Variants in ADAMTS20 observed in about 807,000 individuals in gnomAD.
The protein encoded by ADAMTS20 is A disintegrin and metalloproteinase with thrombospondin motifs 20.
In ADAMTS20, 225 loss-of-function variants were observed where a neutral mutation model predicts 260.1. The observed-to-expected ratio is 0.87, with a 90% CI of 0.78 to 0.97. The LOEUF (loss-of-function observed/expected upper bound fraction) is 0.97, where lower values mean the gene tolerates loss of function less well. ADAMTS20 is among the 50% of genes least tolerant of loss of function. The probability of loss-of-function intolerance (pLI) is 0.00; values close to 1 mark genes in which losing one functional copy is unlikely to be tolerated. For synonymous variants in ADAMTS20, 802 were observed against 769.5 expected, an observed-to-expected ratio of 1.04 and a Z score of -0.70; for missense variants, 2,400 against 2,337.7, an observed-to-expected ratio of 1.03 and a Z score of -0.55.
intron 9 of ADAMTS20, among the ~76,000 whole-genome samples, chr12:43,465,343 C>T (rs1256569902): frequency 6.6e-6 from 1 of 151,936 alleles, no homozygotes; most frequent in African/African-American, 2.4e-5. Context: ...TCCCTCTCTC[C>T]CTGAACCACA....
intron 2 of ADAMTS20, among the ~76,000 whole-genome samples, chr12:43,536,616 T>C (rs1943299002): frequency 6.6e-6 from 1 of 152,070 alleles, no homozygotes; most frequent in South Asian, 2.1e-4. Context: ...CGTGGAAAAT[T>C]CTGGGAGGAC....
At chr12:43,513,767 T>C (rs1271586146) in intron 3 of ADAMTS20, among the ~76,000 whole-genome samples, 1 of 151,968 alleles carries the variant, frequency 6.6e-6, no homozygotes, top group Non-Finnish European at 1.5e-5. Flanking sequence ...TGTAGGAACA[T>C]GAATGAAGCT....
rs761049366 is a variant in ADAMTS20 at position 43,383,578 on chromosome 12, CCA to C, written c.4775_4776del (p.Val1592GlyfsTer15). The C allele has an allele frequency of 3.1e-6, 5 of 1,612,576 alleles. No individual in the cohort carries two copies. Among genetic ancestry groups the C allele is most frequent in the Admixed American group, 3.3e-5 (2 of 59,904 alleles). On this transcript the variant is annotated frameshift_variant, in exon 31 of 39. Transcript: ENST00000389420. LOFTEE classifies it high-confidence loss of function. ...CTTACCTGTGATGAGTCTGCTGTTA[CCA>C]CAATGTAATTGCAAGGAGGGTTCCT... The part of the protein sequence containing the change: ...NCRNPPCNYI[V>X]VTADSSQCAN...
At chr12:43,518,893 T>G (rs2137477720) in intron 3 of ADAMTS20, among the ~76,000 whole-genome samples, 1 of 152,022 alleles carries the variant, frequency 6.6e-6, no homozygotes, top group African/African-American at 2.4e-5. Context: ...CCTGTCAGCT[T>G]GACCATCAAA....
chr12:43,523,889 C>G (rs1943105860), intron 3 of ADAMTS20, among the ~76,000 whole-genome samples: 1 of 150,700 alleles, frequency 6.6e-6, no homozygotes, highest in South Asian at 2.1e-4. Context: ...ACCCTGGTAG[C>G]TTAACACAAA....
chr12:43,378,798 G>A (rs1940286071), intron 31 of ADAMTS20, among the ~76,000 whole-genome samples: 1 of 152,124 alleles, frequency 6.6e-6, no homozygotes, highest in Non-Finnish European at 1.5e-5. Flanking sequence ...GGAAGAGTAA[G>A]GACATCTAAA....
chr12:43,379,142 G>A (rs1438678146), intron 31 of ADAMTS20, among the ~76,000 whole-genome samples: 2 of 152,150 alleles, frequency 1.3e-5, no homozygotes, highest in Non-Finnish European at 2.9e-5. Flanking sequence ...GAACTGTTTA[G>A]TGGTTTTCTG....
intron 6 of ADAMTS20, 103 bp downstream of exon 6, chr12:43,492,402 G>GAAAAACAAAAAC (rs1223421485): frequency 6.2e-4 from 643 of 1,032,160 alleles, no homozygotes; most frequent in South Asian, 1.1e-3. Context: ...AAAAGAAAAA[G>GAAAAACAAAAAC]AAAAACAAAA....
intron 3 of ADAMTS20, among the ~76,000 whole-genome samples, chr12:43,509,104 G>A (rs566436990): frequency 2.6e-5 from 4 of 152,188 alleles, no homozygotes; most frequent in South Asian, 4.2e-4. Flanking sequence ...TTTTATGGCT[G>A]CATAGTAGTC....
intron 9 of ADAMTS20, among the ~76,000 whole-genome samples, chr12:43,465,160 T>A (rs753303023): frequency 3.9e-5 from 6 of 152,060 alleles, no homozygotes; most frequent in Non-Finnish European, 7.4e-5. Context: ...ATATTTCTAG[T>A]CCTAAACAAC....
chr12:43,418,373 T>C (rs1941170415), intron 28 of ADAMTS20, among the ~76,000 whole-genome samples: 1 of 152,082 alleles, frequency 6.6e-6, no homozygotes, highest in Non-Finnish European at 1.5e-5. Context: ...GCAATGGCGC[T>C]ATCTTGGCTC....
chr12:43,494,015 T>C (rs768869319), intron 4 of ADAMTS20, among the ~76,000 whole-genome samples: 8 of 152,218 alleles, frequency 5.3e-5, no homozygotes, highest in Non-Finnish European at 5.9e-5. Flanking sequence ...ATTCATATTC[T>C]CTTCTTGTAG....
In ADAMTS20 at chr12:43,370,235, A is replaced by C. The variant is rs571474439; in HGVS notation, c.5447-854T>G. Among the ~76,000 whole-genome samples the C allele has an allele frequency of 5.3e-5, 8 of 152,312 alleles. No individual in the cohort carries two copies. The South Asian group carries it at 1.0e-3, about 20-fold the overall frequency. ...CAAAGGGCAGTTTCAAAAACCAGGA[A>C]GCTCTCCATGGTTTACCAGAGCCAG... On this transcript the variant is annotated intron_variant, in intron 36 of 38. Coordinates refer to ENST00000389420, the MANE Select transcript of ADAMTS20 (RefSeq NM_025003.5).
rs781676556 is a variant in ADAMTS20 at position 43,502,203 on chromosome 12, A to T, written c.816T>A (p.Val272=). ...TTTGCAAATTCGATCCATGAGCAGA[A>T]ACCACTTTAGCATCAGCTGTAACCA... ...EIMVTADAKV[V]SAHGSNLQNY... Residue 272 remains valine (V), a synonymous_variant, in exon 4 of 39, where the codon GTT becomes GTA. Transcript: ENST00000389420. The T allele has an allele frequency of 6.2e-7, 1 of 1,609,880 alleles. No individual in the cohort carries two copies. Among genetic ancestry groups the T allele is most frequent in the Non-Finnish European group, 8.5e-7 (1 of 1,178,452 alleles).
At chr12:43,375,819 C>T (rs1456275932) in intron 35 of ADAMTS20, among the ~76,000 whole-genome samples, 1 of 152,192 alleles carries the variant, frequency 6.6e-6, no homozygotes. Context: ...ACTTCTCACC[C>T]ACAGTATTCT....
At chr12:43,389,869 T>C (rs1325054578) in intron 29 of ADAMTS20, among the ~76,000 whole-genome samples, 11 of 152,212 alleles carry the variant, frequency 7.2e-5, no homozygotes, top group Non-Finnish European at 1.3e-4. Flanking sequence ...TCCTTGCTCA[T>C]GTGCCCAAGT....
intron 37 of ADAMTS20, among the ~76,000 whole-genome samples, chr12:43,358,697 C>G (rs370853852): frequency 6.6e-6 from 1 of 150,936 alleles, no homozygotes; most frequent in Admixed American, 6.6e-5. Context: ...ATTAGCCAGG[C>G]ATGGTGGCGC....
chr12:43,443,991 G>A, intron 15 of ADAMTS20, 108 bp from the exon 16 acceptor site: 1 of 794,168 alleles, frequency 1.3e-6, no homozygotes, highest in Non-Finnish European at 2.1e-6. Context: ...ACTTAATTTT[G>A]TTGTGTCTTT....
rs531191183 is a variant in ADAMTS20 at position 43,506,712 on chromosome 12, T to C, written c.614-4307A>G. Among the ~76,000 whole-genome samples the C allele has an allele frequency of 2.0e-5, 3 of 151,986 alleles. No homozygotes were observed. The East Asian group carries it at 5.8e-4, about 29-fold the overall frequency. ...TCAGGCTGGTCTCGATATCGTGACC[T>C]TGTGATCTGCCCGCCTCAGCCTCCC... is the stretch of plus-strand genomic sequence containing the variant. On this transcript the variant is annotated intron_variant, in intron 3 of 38. Coordinates refer to ENST00000389420, the MANE Select transcript of ADAMTS20 (RefSeq NM_025003.5).
Sources: gnomAD v4.1 joint callset for allele counts (sites outside exome capture counted in the v4.1 genomes callset) on GRCh38, gnomAD v4.1.1 for gene constraint, MANE v1.5 for transcripts, NCBI Gene and HGNC (gene_info 2026-07-23, HGNC 2026-07-21) for gene names.